CPED1: variants seen among roughly 807,000 people sequenced by gnomAD.
CPED1 encodes cadherin like and PC-esterase domain containing 1.
CPED1 carries 114 observed loss-of-function variants against 128.2 expected under a neutral mutation model. That is an observed-to-expected ratio of 0.89 (90% CI 0.76 to 1.04). The LOEUF (loss-of-function observed/expected upper bound fraction) is 1.04, where lower values mean the gene tolerates loss of function less well. Ranked by LOEUF, CPED1 falls within the 50% of genes least tolerant of loss-of-function variation. CPED1 has a pLI of 0.00. For missense variants in CPED1, 1,211 were observed against 1,207.1 expected, an observed-to-expected ratio of 1.00 and a Z score of -0.05; for synonymous variants, 462 against 426.7, an observed-to-expected ratio of 1.08 and a Z score of -1.02.
chr7:121,289,089 A>T (rs1792640968), intron 22 of CPED1, among the ~76,000 whole-genome samples: 1 of 152,130 alleles, frequency 6.6e-6, no homozygotes, highest in African/African-American at 2.4e-5. Flanking sequence ...CCTGGGACCT[A>T]GACTATTAAT....
chr7:121,120,751 T>G (rs535377064), intron 7 of CPED1, among the ~76,000 whole-genome samples: 2 of 152,072 alleles, frequency 1.3e-5, no homozygotes, highest in East Asian at 3.9e-4. Context: ...CCAGAAAAAT[T>G]TATATTCTCT....
intron 15 of CPED1, among the ~76,000 whole-genome samples, chr7:121,141,342 A>G (rs907843075): frequency 6.6e-6 from 1 of 151,998 alleles, no homozygotes. Flanking sequence ...GCTTAAACCA[A>G]TTGGTGCACA....
At chr7:121,234,196 G>T (rs184012653) in intron 16 of CPED1, among the ~76,000 whole-genome samples, 1 of 152,024 alleles carries the variant, frequency 6.6e-6, no homozygotes, top group African/African-American at 2.4e-5. Context: ...TGGGTATGGC[G>T]TAGGTACCTA....
At chr7:121,036,707 A>G (rs1792903202) in intron 3 of CPED1, among the ~76,000 whole-genome samples, 1 of 152,030 alleles carries the variant, frequency 6.6e-6, no homozygotes, top group Non-Finnish European at 1.5e-5. Context: ...GTTTTAAGGA[A>G]TCTCCACACT....
At chr7:121,213,350 A>G (rs1797688406) in intron 16 of CPED1, among the ~76,000 whole-genome samples, 1 of 152,002 alleles carries the variant, frequency 6.6e-6, no homozygotes, top group Non-Finnish European at 1.5e-5. Context: ...GATAATATCT[A>G]CCTCAAACAG....
At chr7:121,100,163 C>T in intron 7 of CPED1, 69 bp downstream of exon 7, 2 of 1,352,824 alleles carry the variant, frequency 1.5e-6, no homozygotes, top group Admixed American at 3.9e-5. Context: ...GTTGGGCTGC[C>T]ATTTTCCCAC....
At chr7:121,224,378 A>G (rs1166234361) in intron 16 of CPED1, among the ~76,000 whole-genome samples, 1 of 152,130 alleles carries the variant, frequency 6.6e-6, no homozygotes, top group Admixed American at 6.6e-5. Flanking sequence ...TTTGCTTCCA[A>G]TTATGTGGTC....
intron 5 of CPED1, among the ~76,000 whole-genome samples, chr7:121,078,761 C>T (rs1794205604): frequency 6.6e-6 from 1 of 152,142 alleles, no homozygotes; most frequent in African/African-American, 2.4e-5. Context: ...ACACTGTGAC[C>T]AGGAGAATAG....
At chr7:121,038,702 C>T (rs147165006) in intron 3 of CPED1, among the ~76,000 whole-genome samples, 8 of 151,914 alleles carry the variant, frequency 5.3e-5, no homozygotes, top group African/African-American at 1.9e-4. Flanking sequence ...ATTTAGTCAT[C>T]GTGTTTCATT....
intron 16 of CPED1, among the ~76,000 whole-genome samples, chr7:121,211,561 A>AGCAGGGTCCCAGAACAGCTATGGCCAAT (rs6150320): frequency 6.6e-6 from 1 of 151,700 alleles, no homozygotes; most frequent in Admixed American, 6.6e-5. Flanking sequence ...TGATTGGGAC[A>AGCAGGGTCCCAGAACAGCTATGGCCAAT]GCAGACACGT....
intron 22 of CPED1, among the ~76,000 whole-genome samples, chr7:121,287,689 A>ATGTTTTCCCC (rs1483699210): frequency 4.0e-5 from 6 of 151,804 alleles, no homozygotes; most frequent in African/African-American, 9.7e-5. Flanking sequence ...TTTCTTTTTC[A>ATGTTTTCCCC]TGTTTTCCCC....
At chr7:121,047,684 T>TC (rs1563004845) in intron 4 of CPED1, among the ~76,000 whole-genome samples, 52 of 100,278 alleles carry the variant, frequency 5.2e-4, no homozygotes, top group African/African-American at 2.6e-3. Flanking sequence ...TTCTTCTTCT[T>TC]CTTCTTCTTC....
intron 7 of CPED1, among the ~76,000 whole-genome samples, chr7:121,112,483 A>AACC (rs34531574): frequency 0.9 from 136,256 of 151,900 alleles, 61,163 homozygotes; most frequent in Middle Eastern, 0.99. Context: ...GAATGCCAAC[A>AACC]ACCAGAAGCG....
intron 17 of CPED1, among the ~76,000 whole-genome samples, chr7:121,243,598 A>C (rs973420012): frequency 6.6e-6 from 1 of 152,234 alleles, no homozygotes; most frequent in African/African-American, 2.4e-5. Flanking sequence ...TCATGTGAGA[A>C]GAACTGTACA....
At chr7:121,051,244 C>T in intron 4 of CPED1, 1 of 472,790 alleles carries the variant, frequency 2.1e-6, no homozygotes, top group South Asian at 1.7e-5. Flanking sequence ...TCCCTGACTC[C>T]CCTCTTGTAC....
intron 16 of CPED1, among the ~76,000 whole-genome samples, chr7:121,216,706 A>G (rs1413982015): frequency 1.3e-5 from 2 of 152,026 alleles, no homozygotes; most frequent in African/African-American, 4.8e-5. Context: ...TTATGGTCCA[A>G]TCACCTATAG....
At chr7:121,036,822 T>A (rs1350558000) in intron 3 of CPED1, among the ~76,000 whole-genome samples, 1 of 152,128 alleles carries the variant, frequency 6.6e-6, no homozygotes, top group African/African-American at 2.4e-5. Flanking sequence ...CTTTTTTGAT[T>A]ATGGCCATTC....
At chr7:121,250,848 T>C (rs1798654503) in intron 18 of CPED1, among the ~76,000 whole-genome samples, 1 of 122,920 alleles carries the variant, frequency 8.1e-6, no homozygotes, top group Non-Finnish European at 1.8e-5. Flanking sequence ...CCAAAAAAAG[T>C]CCAAGACAGA....
chr7:121,246,048 A>G (rs1422904493), intron 18 of CPED1, among the ~76,000 whole-genome samples: 1 of 152,108 alleles, frequency 6.6e-6, no homozygotes, highest in Non-Finnish European at 1.5e-5. Context: ...TATCCTATAA[A>G]TGTTGCACTG....
Sources: allele counts gnomAD v4.1 joint callset (sites outside exome capture counted in the v4.1 genomes callset), GRCh38; gene constraint gnomAD v4.1.1; transcripts MANE v1.5; gene names NCBI Gene and HGNC (gene_info 2026-07-23, HGNC 2026-07-21).